Variants in MED13 observed in about 807,000 individuals in gnomAD.
MED13 encodes mediator complex subunit 13.
In MED13, 23 loss-of-function variants were observed where a neutral mutation model predicts 225.2. That is an observed-to-expected ratio of 0.10 (90% CI 0.07 to 0.14). The LOEUF is 0.14. Among genes scored for constraint, MED13 ranks in the 10% least tolerant of loss-of-function variants. The pLI is 1.00. For synonymous variants in MED13, 942 were observed against 889.2 expected (o/e 1.06, Z -1.06); for missense variants, 2,197 against 2,594.5 (o/e 0.85, Z 3.33).
intron 8 of MED13, among the ~76,000 whole-genome samples, chr17:62,028,254 A>T (rs185903682): frequency 2.0e-5 from 3 of 152,340 alleles, no homozygotes; most frequent in African/African-American, 7.2e-5. Flanking sequence ...ATCTGCAGGA[A>T]CATGGATGAG....
At chr17:61,949,433 T>C (rs1056152166) in intron 28 of MED13, among the ~76,000 whole-genome samples, 6 of 152,084 alleles carry the variant, frequency 3.9e-5, no homozygotes, top group Non-Finnish European at 8.8e-5. Context: ...CACTATGTTG[T>C]CCAGGCTGAT....
In MED13 at chr17:61,996,316, C is replaced by A. The variant is rs150022715; in HGVS notation, c.1968-951G>T. 3.6e-3 allele frequency among the ~76,000 whole-genome samples: 541 copies of A among 152,266 alleles called. 5 individuals carry two copies. The highest frequency in any genetic ancestry group is 0.013 in the African/African-American group (523 of 41,554). On this transcript the variant is annotated intron_variant, in intron 9 of 29. Transcript: ENST00000397786. ...ATGTTTAGACTCTCAAATTCCTATT[C>A]TCTCGGGTTTACAAAGCTAAGGTTC...
chr17:61,948,895 G>A (rs1435749507), intron 28 of MED13, among the ~76,000 whole-genome samples: 6 of 151,040 alleles, frequency 4.0e-5, no homozygotes, highest in African/African-American at 1.2e-4. Flanking sequence ...GACCATCCCG[G>A]CTAAAACGGT....
chr17:61,985,680 T>TA (rs1340597815), intron 12 of MED13, among the ~76,000 whole-genome samples: 3 of 152,014 alleles, frequency 2.0e-5, no homozygotes, highest in Non-Finnish European at 4.4e-5. Context: ...TTAAAATAAA[T>TA]AAAAATAAGA....
chr17:61,949,256 G>A (rs1213458474), intron 28 of MED13, among the ~76,000 whole-genome samples: 1 of 151,944 alleles, frequency 6.6e-6, no homozygotes, highest in African/African-American at 2.4e-5. Flanking sequence ...TTGAGAGAGG[G>A]TCTCCTGTCA....
At chr17:61,982,013 C>T (rs1173465716) in intron 16 of MED13, among the ~76,000 whole-genome samples, 185 bp downstream of exon 16, 1 of 152,290 alleles carries the variant, frequency 6.6e-6, no homozygotes, top group East Asian at 1.9e-4. Flanking sequence ...AATAACCATA[C>T]TTTTATTGGT....
At chr17:61,998,929 T>G (rs1453639485) in intron 9 of MED13, among the ~76,000 whole-genome samples, 6 of 139,996 alleles carry the variant, frequency 4.3e-5, no homozygotes, top group Admixed American at 2.1e-4. Context: ...ATGGTACTTT[T>G]TTTTTTTTTT....
chr17:62,049,683 G>C (rs28435233), intron 3 of MED13, among the ~76,000 whole-genome samples: 1 of 152,174 alleles, frequency 6.6e-6, no homozygotes, highest in African/African-American at 2.4e-5. Flanking sequence ...TGTAATCCCA[G>C]CACTTGGGGA....
At chr17:61,947,270 C>A (rs2079858834) in intron 28 of MED13, among the ~76,000 whole-genome samples, 1 of 149,662 alleles carries the variant, frequency 6.7e-6, no homozygotes, top group South Asian at 2.1e-4. Flanking sequence ...TGGCCTCAAA[C>A]AATCCTCCTG....
chr17:61,966,950 G>A (rs1037485666), intron 18 of MED13, among the ~76,000 whole-genome samples: 1 of 151,944 alleles, frequency 6.6e-6, no homozygotes, highest in African/African-American at 2.4e-5. Context: ...CATTTTGTTT[G>A]AATAAAAGCT....
chr17:62,002,917 T>C (rs1049196959), intron 9 of MED13, among the ~76,000 whole-genome samples: 2 of 152,252 alleles, frequency 1.3e-5, no homozygotes, highest in African/African-American at 4.8e-5. Flanking sequence ...CACTTCGAGC[T>C]GGATAATTTT....
intron 3 of MED13, among the ~76,000 whole-genome samples, chr17:62,043,156 C>CAAAAAAAAAAAAAAAAAAAAAA (rs764530614): frequency 3.2e-5 from 1 of 31,672 alleles, no homozygotes; most frequent in African/African-American, 1.1e-4. Flanking sequence ...ACCCTGTCTC[C>CAAAAAAAAAAAAAAAAAAAAAA]AAAAAAAAAA....
intron 11 of MED13, among the ~76,000 whole-genome samples, chr17:61,988,552 C>T (rs746349749): frequency 4.6e-5 from 7 of 152,132 alleles, no homozygotes; most frequent in Non-Finnish European, 8.8e-5. Context: ...ATCTAAGATA[C>T]TTACTAAAAA....
At chr17:61,999,529 T>C (rs988147179) in intron 9 of MED13, among the ~76,000 whole-genome samples, 3 of 152,186 alleles carry the variant, frequency 2.0e-5, no homozygotes, top group African/African-American at 7.2e-5. Context: ...AAAAAGATAT[T>C]TGCCACGTGT....
intron 8 of MED13, among the ~76,000 whole-genome samples, chr17:62,024,693 C>T (rs2080683389): frequency 6.6e-6 from 1 of 152,212 alleles, no homozygotes; most frequent in African/African-American, 2.4e-5. Flanking sequence ...TCCCTCCTCC[C>T]AGCCTCCACT....
chr17:61,976,120 TG>T (rs1409350478), intron 16 of MED13, among the ~76,000 whole-genome samples: 1 of 152,226 alleles, frequency 6.6e-6, no homozygotes, highest in Non-Finnish European at 1.5e-5. Flanking sequence ...CAAATGTTCA[TG>T]GGAGCTTTAT....
chr17:62,020,561 A>G (rs1029181857), intron 8 of MED13, among the ~76,000 whole-genome samples: 1 of 151,206 alleles, frequency 6.6e-6, no homozygotes, highest in East Asian at 1.9e-4. Context: ...TTGTACTTTT[A>G]GTAGAGATGG....
At chr17:62,037,071 G>C (rs956582087) in intron 3 of MED13, 1 of 152,074 alleles carries the variant, frequency 6.6e-6, no homozygotes, top group Non-Finnish European at 1.5e-5. Flanking sequence ...GGCCAACATG[G>C]TGAAACCTCC....
At position 62,042,575 on chromosome 17, in the gene MED13, A is replaced by C. The variant is rs559850285; in HGVS notation, c.471-6967T>G. On this transcript the variant is annotated intron_variant, in intron 3 of 29. Transcript: ENST00000397786. ...GGTTTCATCTCAAAAAAAAAAAAAA[A>C]AAAAACCAAAAAAACCCCACAAAAC... 7.1e-4 allele frequency among the ~76,000 whole-genome samples: 108 copies of C among 151,462 alleles called. 2 individuals carry two copies. In the East Asian group the frequency reaches 0.02, roughly 28 times the overall value.
Sources: allele counts gnomAD v4.1 joint callset (sites outside exome capture counted in the v4.1 genomes callset), GRCh38; gene constraint gnomAD v4.1.1; transcripts MANE v1.5; gene names NCBI Gene and HGNC (gene_info 2026-07-23, HGNC 2026-07-21).